Variants in RABL3 observed in about 807,000 individuals in gnomAD.
RABL3 encodes the protein rab-like protein 3.
RABL3 carries 31 observed loss-of-function variants against 31.8 expected under a neutral mutation model. The ratio of observed to expected loss-of-function variants is 0.97; its 90% CI spans 0.73 to 1.31. RABL3 has a LOEUF of 1.31. Ranked by LOEUF, RABL3 falls within the 40% of genes most tolerant of loss-of-function variation. RABL3 has a pLI of 0.00. For synonymous variants in RABL3, 97 were observed against 99.9 expected (o/e 0.97, Z 0.18); for missense variants, 263 against 279.6 (o/e 0.94, Z 0.42).
chr3:120,736,909 G>C (rs541579027), intron 1 of RABL3, among the ~76,000 whole-genome samples: 9 of 151,942 alleles, frequency 5.9e-5, no homozygotes, highest in African/African-American at 1.9e-4. Context: ...TACGCTGATG[G>C]GCTTCCCTTT....
At chr3:120,705,899 A>G (rs1708542207) in intron 4 of RABL3, 101 bp downstream of exon 4, 1 of 763,248 alleles carries the variant, frequency 1.3e-6, no homozygotes, top group African/African-American at 1.7e-5. Flanking sequence ...ATACACTGAA[A>G]GAAAAATCTT....
intron 1 of RABL3, among the ~76,000 whole-genome samples, chr3:120,733,927 A>AGTTG (rs1418879863): frequency 1.3e-5 from 2 of 152,176 alleles, no homozygotes; most frequent in African/African-American, 2.4e-5. Context: ...TTTTGGTACC[A>AGTTG]GTACCATGCT....
chr3:120,696,087 G>A (rs1430809748), intron 5 of RABL3, among the ~76,000 whole-genome samples: 1 of 152,142 alleles, frequency 6.6e-6, no homozygotes, highest in African/African-American at 2.4e-5. Context: ...AAGTAAATAC[G>A]TAACAGAGAA....
Position 120,742,508 on chromosome 3 carries a change from C to G in RABL3, c.-1G>C. The G allele has an allele frequency of 1.9e-6, 3 of 1,614,210 alleles. No individual in the cohort carries two copies. Among genetic ancestry groups the G allele is most frequent in the Non-Finnish European group, 2.5e-6 (3 of 1,180,028 alleles). On this transcript the variant is annotated 5_prime_UTR_variant, in exon 1 of 8. Transcript: ENST00000273375. ...CCTTCACCCGATCCAGGGACGCCATCTTGCCACTGCCTTCCCTGGGTTAAC... is the reference window on the plus strand; with the variant it reads ...CCTTCACCCGATCCAGGGACGCCATGTTGCCACTGCCTTCCCTGGGTTAAC...
rs542421825 is a variant in RABL3, at chr3:120,729,158, T to C, written c.138+1538A>G. 1.1e-4 allele frequency among the ~76,000 whole-genome samples: 16 copies of C among 152,284 alleles called. No homozygotes were observed. In the South Asian group the frequency reaches 1.5e-3, roughly 14 times the overall value. ...GCTCAGGGAAACGGCAAAAACTTTC[T>C]GTCAGGGACCTCAGACAGAAGGTAG... is the stretch of plus-strand genomic sequence containing the variant. On this transcript the variant is annotated intron_variant, in intron 2 of 7. Transcript: ENST00000273375.
At chr3:120,699,640 T>C (rs1025819655) in intron 4 of RABL3, among the ~76,000 whole-genome samples, 3 of 152,184 alleles carry the variant, frequency 2.0e-5, no homozygotes, top group African/African-American at 7.2e-5. Context: ...TAACACTACT[T>C]TTCTTTCTCT....
chr3:120,726,668 C>T (rs1708824974), intron 2 of RABL3, among the ~76,000 whole-genome samples: 1 of 151,948 alleles, frequency 6.6e-6, no homozygotes, highest in South Asian at 2.1e-4. Context: ...CGCTTGAACC[C>T]GGGAGGCAGA....
intron 5 of RABL3, among the ~76,000 whole-genome samples, chr3:120,698,041 G>C (rs1482252393): frequency 2.0e-5 from 3 of 152,160 alleles, no homozygotes; most frequent in African/African-American, 4.8e-5. Flanking sequence ...GTACATGCCT[G>C]TAATCCCAGC....
intron 2 of RABL3, chr3:120,710,627 T>G (rs1708602710): frequency 6.6e-6 from 1 of 152,242 alleles, no homozygotes. Context: ...CTTCTGTGCA[T>G]GAGATCCCAT....
chr3:120,709,165 T>C (rs1708583981), intron 3 of RABL3, among the ~76,000 whole-genome samples: 1 of 152,038 alleles, frequency 6.6e-6, no homozygotes, highest in African/African-American at 2.4e-5. Flanking sequence ...AGAAACTCTA[T>C]TGGCAAATCA....
chr3:120,722,141 G>A (rs1286446945), intron 2 of RABL3: 1 of 152,042 alleles, frequency 6.6e-6, no homozygotes, highest in East Asian at 1.9e-4. Flanking sequence ...TTTATCATCT[G>A]TAGGCTCATT....
chr3:120,735,353 T>C (rs1399648871), intron 1 of RABL3, among the ~76,000 whole-genome samples: 10 of 152,340 alleles, frequency 6.6e-5, no homozygotes, highest in Non-Finnish European at 1.3e-4. Flanking sequence ...TAGTATTCTC[T>C]GATGGTAGTT....
chr3:120,688,857 C>T lies in RABL3; in HGVS notation c.*966G>A, dbSNP rs1708345985. The T allele has an allele frequency of 6.6e-6, 1 of 152,094 alleles. No homozygotes were observed. Among genetic ancestry groups the T allele is most frequent in the Non-Finnish European group, 1.5e-5 (1 of 68,012 alleles). The allele number at this position is 152,094 out of a possible 1,614,324, so 9.4% of individuals were successfully genotyped here. ...TGGAGTGATTATGAAATCCAAGAAT[C>T]CTAGTTCATAATTCATGTAAATGTG... On this transcript the variant is annotated 3_prime_UTR_variant, in exon 8 of 8. Transcript: ENST00000273375.
At chr3:120,694,937 A>G (rs1708420979) in intron 5 of RABL3, among the ~76,000 whole-genome samples, 1 of 150,864 alleles carries the variant, frequency 6.6e-6, no homozygotes, top group Non-Finnish European at 1.5e-5. Context: ...AAGGCCTACT[A>G]TCCGCTGGAA....
intron 2 of RABL3, among the ~76,000 whole-genome samples, chr3:120,726,525 T>C (rs1334691130): frequency 6.6e-6 from 1 of 151,940 alleles, no homozygotes; most frequent in East Asian, 1.9e-4. Flanking sequence ...CAGAGTATCT[T>C]AGGTCAGGAG....
At position 120,706,051 on chromosome 3, in the gene RABL3, A is replaced by C; in HGVS notation, c.332T>G (p.Leu111Trp). The C allele has an allele frequency of 6.2e-7, 1 of 1,614,076 alleles. No individual in the cohort carries two copies. The highest frequency in any genetic ancestry group is 8.5e-7 in the Non-Finnish European group (1 of 1,179,930). Residue 111 changes from leucine (L) to tryptophan (W), a missense_variant, in exon 4 of 8, where the codon TTG becomes TGG. Physicochemically the swap from Leu to Trp is moderately conservative, Grantham distance 61. Coordinates refer to ENST00000273375, the MANE Select transcript of RABL3 (RefSeq NM_173825.5). ...CACCAAATCCCTGTTGAGAGCTTCC[A>C]ATGACCAACGACGCAAGTTTTGGGA... ...KSSQNLRRWS[L>W]EALNRDLVPT...
At chr3:120,720,166 T>G (rs143021012) in intron 2 of RABL3, among the ~76,000 whole-genome samples, 3 of 152,096 alleles carry the variant, frequency 2.0e-5, no homozygotes, top group Non-Finnish European at 4.4e-5. Context: ...AAGGACATCC[T>G]CACCAAAACC....
At chr3:120,722,844 A>G (rs1708764493) in intron 2 of RABL3, among the ~76,000 whole-genome samples, 1 of 152,180 alleles carries the variant, frequency 6.6e-6, no homozygotes, top group South Asian at 2.1e-4. Context: ...AAGAGAAAGC[A>G]GGAAAGATCT....
intron 2 of RABL3, chr3:120,710,367 T>A (rs1340772950): frequency 6.6e-6 from 1 of 152,500 alleles, no homozygotes; most frequent in Non-Finnish European, 1.5e-5. Context: ...TTCAATCAAT[T>A]CCACAGTTAA....
Sources: allele counts gnomAD v4.1 joint callset (sites outside exome capture counted in the v4.1 genomes callset), GRCh38; gene constraint gnomAD v4.1.1; transcripts MANE v1.5; gene names NCBI Gene and HGNC (gene_info 2026-07-23, HGNC 2026-07-21).